The following DISC1 variants were observed in gnomAD, a reference collection of about 807,000 sequenced individuals.
DISC1 encodes DISC1 scaffold protein.
Under a neutral mutation model 84.5 loss-of-function variants are expected in DISC1, and 57 were observed. That is an observed-to-expected ratio of 0.67 (90% confidence interval 0.55 to 0.84). DISC1 has a LOEUF of 0.84. DISC1 is among the 40% of genes least tolerant of loss of function. DISC1 has a pLI of 0.00. For synonymous variants in DISC1, 411 were observed against 415.2 expected (o/e 0.99, Z 0.12); for missense variants, 1,000 against 1,057.8 (o/e 0.95, Z 0.76).
chr1:231,995,005 T>G (rs1318814476), intron 10 of DISC1, among the ~76,000 whole-genome samples: 1 of 152,224 alleles, frequency 6.6e-6, no homozygotes, highest in Non-Finnish European at 1.5e-5. Context: ...ATACTCTTTC[T>G]TATATTACAT....
intron 3 of DISC1, among the ~76,000 whole-genome samples, chr1:231,740,530 CA>C (rs1172801186): frequency 6.6e-6 from 1 of 152,130 alleles, no homozygotes; most frequent in Non-Finnish European, 1.5e-5. Context: ...TCCTGAATAC[CA>C]GGGGCAGAGG....
At chr1:231,927,559 A>C (rs922475755) in intron 9 of DISC1, among the ~76,000 whole-genome samples, 1 of 151,956 alleles carries the variant, frequency 6.6e-6, no homozygotes, top group Non-Finnish European at 1.5e-5. Flanking sequence ...CCCCTCATCC[A>C]CCTGCCTACC....
chr1:231,978,571 A>G (rs1663150249), intron 10 of DISC1, among the ~76,000 whole-genome samples: 1 of 152,196 alleles, frequency 6.6e-6, no homozygotes, highest in Non-Finnish European at 1.5e-5. Context: ...GTGTTTGTGT[A>G]TGAATGTATG....
chr1:231,857,182 T>C (rs2084330378), intron 9 of DISC1, among the ~76,000 whole-genome samples: 1 of 152,238 alleles, frequency 6.6e-6, no homozygotes, highest in Non-Finnish European at 1.5e-5. Flanking sequence ...CAAGGCACTC[T>C]GTGAGTTTTG....
chr1:231,870,599 C>G (rs1455311846), intron 9 of DISC1, among the ~76,000 whole-genome samples: 1 of 152,164 alleles, frequency 6.6e-6, no homozygotes, highest in Non-Finnish European at 1.5e-5. Context: ...CATAAGGCTT[C>G]AGCTTGATCA....
At chr1:231,721,437 G>A (rs923612649) in intron 3 of DISC1, among the ~76,000 whole-genome samples, 1 of 152,124 alleles carries the variant, frequency 6.6e-6, no homozygotes, top group Non-Finnish European at 1.5e-5. Context: ...AGTAAATCTG[G>A]CTGAGATTAA....
At chr1:231,944,897 C>T (rs915866119) in intron 9 of DISC1, 1 of 152,176 alleles carries the variant, frequency 6.6e-6, no homozygotes, top group African/African-American at 2.4e-5. Context: ...AGCTAACTCT[C>T]CTAAATATAT....
At chr1:231,671,815 T>G (rs1236024076) in intron 1 of DISC1, among the ~76,000 whole-genome samples, 1 of 152,172 alleles carries the variant, frequency 6.6e-6, no homozygotes, top group Non-Finnish European at 1.5e-5. Flanking sequence ...GATTCCTCAG[T>G]TTTCCTCATT....
intron 10 of DISC1, chr1:231,959,454 C>G: frequency 2.0e-6 from 2 of 985,614 alleles, no homozygotes; most frequent in Non-Finnish European, 2.4e-6. Flanking sequence ...TCCCAGTCAT[C>G]AGAATCTGTT....
intron 9 of DISC1, among the ~76,000 whole-genome samples, chr1:231,934,455 T>G (rs1162073903): frequency 6.6e-6 from 1 of 152,188 alleles, no homozygotes; most frequent in Non-Finnish European, 1.5e-5. Context: ...TCTTAAATGG[T>G]CCGTGCTGCG....
intron 10 of DISC1, 108 bp downstream of exon 10, chr1:231,958,996 A>G (rs963243558): frequency 8.8e-6 from 13 of 1,470,888 alleles, no homozygotes; most frequent in Middle Eastern, 2.4e-4. Flanking sequence ...TCTCTAATAA[A>G]TTAACAAAGA....
At chr1:231,854,885 T>A in intron 9 of DISC1, 1 of 464,712 alleles carries the variant, frequency 2.2e-6, no homozygotes. Flanking sequence ...CCTGGCTAAT[T>A]TTGTATTCTT....
Position 232,031,998 on chromosome 1 carries a change from G to T in DISC1, c.2426-4694G>T, listed in dbSNP as rs1463441238. On this transcript the variant is annotated intron_variant, in intron 12 of 12. Coordinates refer to ENST00000439617, the MANE Select transcript of DISC1 (RefSeq NM_018662.3). This position sits in a 1 kb window ranked among gnomAD's most constrained non-coding sequence, Gnocchi z 4.6. ...GAGAGTCCCTTATCTGAAATGCTTGGGACTAGAAGTGTTTTGAAGTTCTGC... is the reference window on the plus strand; with the variant it reads ...GAGAGTCCCTTATCTGAAATGCTTGTGACTAGAAGTGTTTTGAAGTTCTGC... Among the ~76,000 whole-genome samples the T allele has an allele frequency of 6.6e-6, 1 of 152,092 alleles. No individual in the cohort carries two copies. The highest frequency in any genetic ancestry group is 2.4e-5 in the African/African-American group (1 of 41,426).
chr1:231,824,258 A>G (rs565162350), intron 9 of DISC1, among the ~76,000 whole-genome samples: 1 of 152,304 alleles, frequency 6.6e-6, no homozygotes, highest in African/African-American at 2.4e-5. Context: ...CAAGAAATGT[A>G]GATGTTTATA....
intron 10 of DISC1, among the ~76,000 whole-genome samples, chr1:231,999,813 A>AAACAAC (rs71162205): frequency 0.17 from 25,847 of 150,440 alleles, 2,305 homozygotes; most frequent in South Asian, 0.19. Flanking sequence ...TCAAGCAGAA[A>AAACAAC]AACAACAACA....
At chr1:231,830,175 T>G (rs1345315053) in intron 9 of DISC1, among the ~76,000 whole-genome samples, 3 of 152,092 alleles carry the variant, frequency 2.0e-5, no homozygotes, top group South Asian at 2.1e-4. Flanking sequence ...TATGGAGAGA[T>G]AATGGGCGAT....
chr1:231,714,212 C>T (rs942020945), intron 3 of DISC1, among the ~76,000 whole-genome samples: 1 of 152,040 alleles, frequency 6.6e-6, no homozygotes, highest in Non-Finnish European at 1.5e-5. Context: ...TACATTAAAA[C>T]ATGTAAAATA....
intron 8 of DISC1, among the ~76,000 whole-genome samples, chr1:231,805,488 G>T (rs182593045): frequency 6.6e-5 from 10 of 152,116 alleles, no homozygotes; most frequent in African/African-American, 2.4e-4. Context: ...GCAGGAGGAG[G>T]GGGGTGGGGG....
chr1:231,907,501 T>A (rs1233458234), intron 9 of DISC1, among the ~76,000 whole-genome samples: 1 of 152,186 alleles, frequency 6.6e-6, no homozygotes, highest in Non-Finnish European at 1.5e-5. Context: ...TGTGGGCTCC[T>A]GAACTTATCC....
Sources: allele counts gnomAD v4.1 joint callset (sites outside exome capture counted in the v4.1 genomes callset), GRCh38; gene constraint gnomAD v4.1.1; non-coding constraint Gnocchi (gnomAD v3.1); transcripts MANE v1.5; gene names NCBI Gene and HGNC (gene_info 2026-07-23, HGNC 2026-07-21).